Variants in IL1RAPL2 observed in about 807,000 individuals in gnomAD.
IL1RAPL2 encodes X-linked interleukin-1 receptor accessory protein-like 2.
A neutral mutation model predicts 44.1 loss-of-function variants in IL1RAPL2; 3 were observed. The observed-to-expected ratio is 0.07, with a 90% CI of 0.03 to 0.18. The LOEUF (loss-of-function observed/expected upper bound fraction) is 0.18, where lower values mean the gene tolerates loss of function less well. Ranked by LOEUF, IL1RAPL2 falls within the 10% of genes least tolerant of loss-of-function variation. IL1RAPL2 has a pLI of 1.00. For missense variants in IL1RAPL2, 391 were observed against 496.4 expected, an observed-to-expected ratio of 0.79 and a Z score of 2.02; for synonymous variants, 181 against 178.8, an observed-to-expected ratio of 1.01 and a Z score of -0.10.
rs1009841554 is a variant in IL1RAPL2 at position 105,032,070 on chromosome X, A to G, written c.83-163405A>G. On this transcript the variant is annotated intron_variant, in intron 2 of 10. Transcript: ENST00000372582. ...TTGTATTTCTGTGGGATCGCTGGTGATATCCCCTTTATCATTTTTTATTGC... is the reference window on the plus strand; with the variant it reads ...TTGTATTTCTGTGGGATCGCTGGTGGTATCCCCTTTATCATTTTTTATTGC... 4.7e-4 allele frequency among the ~76,000 whole-genome samples: 52 copies of G among 111,053 alleles called. 1 individual carries two copies. Among genetic ancestry groups the G allele is most frequent in the African/African-American group, 1.7e-3 (52 of 30,505 alleles).
chrX:105,237,794 G>A (rs1440978436), intron 4 of IL1RAPL2, among the ~76,000 whole-genome samples: 1 of 111,490 alleles, frequency 9.0e-6, no homozygotes, highest in Admixed American at 9.6e-5. Context: ...TAGGTTGCCT[G>A]TTGACTCTGA....
At chrX:104,906,309 C>T (rs1443527448) in intron 2 of IL1RAPL2, among the ~76,000 whole-genome samples, 1 of 110,155 alleles carries the variant, frequency 9.1e-6, no homozygotes, top group Non-Finnish European at 1.9e-5. Context: ...CTTCTCCTGC[C>T]TAATTGCCCT....
chrX:104,767,466 G>A (rs1439610704), intron 2 of IL1RAPL2, among the ~76,000 whole-genome samples: 5 of 111,515 alleles, frequency 4.5e-5, no homozygotes, highest in African/African-American at 9.8e-5. Flanking sequence ...TCTCATGAAT[G>A]CTGAGGTTTT....
chrX:105,307,465 ATATATTATATATAATATATATATTT>A, intron 5 of IL1RAPL2, among the ~76,000 whole-genome samples: 2 of 68,291 alleles, frequency 2.9e-5, no homozygotes, highest in Non-Finnish European at 5.1e-5. Context: ...TTTATATTAT[ATATATTATATATAATATATATATTT>A]TATATTATAT....
intron 6 of IL1RAPL2, among the ~76,000 whole-genome samples, chrX:105,488,828 T>C (rs1602434599): frequency 2.7e-5 from 3 of 112,076 alleles, no homozygotes; most frequent in African/African-American, 9.7e-5. Context: ...AAAATTTCAG[T>C]AGAAATAAAT....
At chrX:104,805,860 A>G (rs1932919254) in intron 2 of IL1RAPL2, among the ~76,000 whole-genome samples, 1 of 112,220 alleles carries the variant, frequency 8.9e-6, no homozygotes, top group Admixed American at 9.5e-5. Context: ...TTAATTTACT[A>G]GAAGTCACAC....
At chrX:104,818,286 G>A (rs1419575120) in intron 2 of IL1RAPL2, among the ~76,000 whole-genome samples, 1 of 100,477 alleles carries the variant, frequency 1.0e-5, no homozygotes, top group Non-Finnish European at 2.0e-5. Context: ...AGAGCTTGCA[G>A]TGAGCCAAGA....
chrX:104,648,026 A>C, intron 1 of IL1RAPL2: 1 of 548,415 alleles, frequency 1.8e-6, no homozygotes, highest in East Asian at 3.7e-5. Flanking sequence ...ACCCTCTCAC[A>C]CCTGCTTCCA....
intron 1 of IL1RAPL2, among the ~76,000 whole-genome samples, chrX:104,623,234 C>G (rs1412605944): frequency 9.0e-6 from 1 of 110,514 alleles, no homozygotes; most frequent in Non-Finnish European, 1.9e-5. Context: ...TTAAAGGAAA[C>G]AGTAGTAGCT....
intron 5 of IL1RAPL2, among the ~76,000 whole-genome samples, chrX:105,419,305 C>T (rs1230182359): frequency 9.0e-6 from 1 of 111,528 alleles, no homozygotes; most frequent in Non-Finnish European, 1.9e-5. Flanking sequence ...TTTGAAACCA[C>T]AAGGTTTACA....
chrX:104,722,584 C>G (rs1373188077), intron 2 of IL1RAPL2, among the ~76,000 whole-genome samples: 1 of 111,705 alleles, frequency 9.0e-6, no homozygotes, highest in Non-Finnish European at 1.9e-5. Flanking sequence ...ATAACTCTGT[C>G]CATGTGTTCA....
chrX:104,938,806 T>C (rs1045703372), intron 2 of IL1RAPL2, among the ~76,000 whole-genome samples: 6 of 111,521 alleles, frequency 5.4e-5, no homozygotes, highest in African/African-American at 2.0e-4. Flanking sequence ...TGAATGTTGA[T>C]TCTTCTAACA....
chrX:104,582,794 TCC>T (rs1928417472), intron 1 of IL1RAPL2, among the ~76,000 whole-genome samples: 1 of 94,939 alleles, frequency 1.1e-5, no homozygotes, highest in African/African-American at 4.1e-5. Context: ...TTTCTTTCTT[TCC>T]CTCTCTCTCT....
chrX:105,305,549 G>A (rs748990417), intron 5 of IL1RAPL2, among the ~76,000 whole-genome samples: 5 of 104,502 alleles, frequency 4.8e-5, no homozygotes, highest in Non-Finnish European at 7.8e-5. Context: ...TCTCTCTTTC[G>A]CTCTACAGTA....
At chrX:105,262,804 A>G (rs1301274193) in intron 4 of IL1RAPL2, among the ~76,000 whole-genome samples, 1 of 111,749 alleles carries the variant, frequency 8.9e-6, no homozygotes, top group Non-Finnish European at 1.9e-5. Flanking sequence ...GCTGAAAAGG[A>G]CAAGGTTCAT....
At chrX:105,368,346 A>C (rs1236372988) in intron 5 of IL1RAPL2, among the ~76,000 whole-genome samples, 1 of 111,652 alleles carries the variant, frequency 9.0e-6, no homozygotes. Flanking sequence ...TCAACAACCC[A>C]ATTCTGGACT....
At chrX:105,067,795 G>GCGCGCATGCATGCACACACA (rs2032156332) in intron 2 of IL1RAPL2, among the ~76,000 whole-genome samples, 1 of 110,794 alleles carries the variant, frequency 9.0e-6, no homozygotes, top group Non-Finnish European at 1.9e-5. Flanking sequence ...GCACACACAC[G>GCGCGCATGCATGCACACACA]CGCGCATGCA....
intron 6 of IL1RAPL2, among the ~76,000 whole-genome samples, chrX:105,494,286 G>C (rs1454562530): frequency 1.8e-5 from 2 of 109,576 alleles, no homozygotes; most frequent in East Asian, 5.8e-4. Flanking sequence ...TAAAGATCTG[G>C]AAAAGAAAAA....
intron 2 of IL1RAPL2, among the ~76,000 whole-genome samples, chrX:105,042,486 A>T (rs1390649589): frequency 9.2e-6 from 1 of 108,742 alleles, no homozygotes; most frequent in Non-Finnish European, 1.9e-5. Flanking sequence ...AATGCTCATC[A>T]CCACTGGCCA....
Sources: allele counts gnomAD v4.1 joint callset (sites outside exome capture counted in the v4.1 genomes callset), GRCh38; gene constraint gnomAD v4.1.1; transcripts MANE v1.5; gene names NCBI Gene and HGNC (gene_info 2026-07-23, HGNC 2026-07-21).